Variants in SLCO4A1 observed in about 807,000 individuals in gnomAD.
The protein encoded by SLCO4A1 is solute carrier organic anion transporter family member 4A1, also known as colon organic anion transporter.
In SLCO4A1, 51 loss-of-function variants were observed where a neutral mutation model predicts 64.6. The observed-to-expected ratio is 0.79, with a 90% CI of 0.63 to 1.00. The LOEUF (loss-of-function observed/expected upper bound fraction) is 1.00. Ranked by LOEUF, SLCO4A1 falls within the 50% of genes least tolerant of loss-of-function variation. The pLI is 0.00. For missense variants in SLCO4A1, 919 were observed against 980.5 expected, an observed-to-expected ratio of 0.94 and a Z score of 0.84; for synonymous variants, 471 against 444.9, an observed-to-expected ratio of 1.06 and a Z score of -0.74.
chr20:62,671,794 G>A lies in SLCO4A1; in HGVS notation c.2070G>A (p.Lys690=). The change falls in exon 12 of 12, where the codon AAG becomes AAA. Residue 690 remains lysine (K), a synonymous_variant. Coordinates refer to ENST00000217159, the MANE Select transcript of SLCO4A1 (RefSeq NM_016354.4). ...TTGCCATAGCCTGCTTCTTATACAAGCCCCTGTCGGAGTCTTCAGATGGCC... is the reference window on the plus strand; with the variant it reads ...TTGCCATAGCCTGCTTCTTATACAAACCCCTGTCGGAGTCTTCAGATGGCC... ...LFFAIACFLY[K]PLSESSDGLE... is the part of the protein sequence containing the mutation. 6.2e-7 allele frequency: 1 copy of A among 1,613,610 alleles called. No homozygotes were observed.
In SLCO4A1 at chr20:62,667,805, G is replaced by T; in HGVS notation, c.1533G>T (p.Gln511His). 6.2e-7 allele frequency: 1 copy of T among 1,612,740 alleles called. No individual in the cohort carries two copies. The highest frequency in any genetic ancestry group is 2.2e-5 in the East Asian group (1 of 44,888). The change falls in exon 8 of 12, where the codon CAG becomes CAT. Residue 511 changes from glutamine to histidine, a missense_variant. Physicochemically the swap from Gln to His is conservative, Grantham distance 24. Transcript: ENST00000217159. ...CCTGCAACGCTGCCTGCAGCTGCCAGCCAGAACACTACAGCCCTGTGTGCG... is the reference window on the plus strand; with the variant it reads ...CCTGCAACGCTGCCTGCAGCTGCCATCCAGAACACTACAGCCCTGTGTGCG... ...TAPCNAACSCQPEHYSPVCGS... is the reference protein window; with the variant it reads ...TAPCNAACSCHPEHYSPVCGS...
chr20:62,680,750 T>C (rs1427764190), intron 2 of SLCO4A1, among the ~76,000 whole-genome samples: 1 of 152,202 alleles, frequency 6.6e-6, no homozygotes, highest in East Asian at 1.9e-4. Context: ...TGCTTTCAAA[T>C]GTTGCTGGAT....
At chr20:62,660,971 A>AGGGGCAGAGGAGTG (rs1984677609) in intron 4 of SLCO4A1, 93 bp from the exon 5 acceptor site, 5 of 843,752 alleles carry the variant, frequency 5.9e-6, no homozygotes, top group African/African-American at 1.7e-5. Flanking sequence ...CAGACCGGGG[A>AGGGGCAGAGGAGTG]GGGGCAGAGG....
downstream of SLCO4A1, among the ~76,000 whole-genome samples, chr20:62,686,928 C>T (rs960412756): frequency 7.0e-6 from 1 of 143,330 alleles, no homozygotes; most frequent in Non-Finnish European, 1.5e-5. Context: ...CACCCCCAAA[C>T]AGGAGCAATG....
rs770195967 is a variant in SLCO4A1, at chr20:62,667,874, C to T, written c.1602C>T (p.Cys534=). 6.2e-6 allele frequency: 10 copies of T among 1,613,738 alleles called. No individual in the cohort carries two copies. Among genetic ancestry groups the T allele is most frequent in the Admixed American group, 1.7e-5 (1 of 60,012 alleles). ...LMYFSLCHAG[C]PAATETNVDG... ...ACTTCTCACTGTGCCACGCAGGGTG[C>T]CCTGCAGCCACGGAGACGAATGTGG... Residue 534 remains cysteine (C), a synonymous_variant, in exon 8 of 12, where the codon TGC becomes TGT. Coordinates refer to ENST00000217159, the MANE Select transcript of SLCO4A1 (RefSeq NM_016354.4).
rs901326824 is a variant in SLCO4A1 at position 62,644,788 on chromosome 20, C to G, written c.-97+2235C>G. Among the ~76,000 whole-genome samples the G allele has an allele frequency of 6.6e-6, 1 of 152,262 alleles. No individual in the cohort carries two copies. The highest frequency in any genetic ancestry group is 2.4e-5 in the African/African-American group (1 of 41,478). Reference sequence around the variant, plus strand: ...ATTCCTGGCTTCCTGGACTCGTCCACTGGAACGTGTTGGGTCCTGGTGCTC... The same window carrying G: ...ATTCCTGGCTTCCTGGACTCGTCCAGTGGAACGTGTTGGGTCCTGGTGCTC... On this transcript the variant is annotated intron_variant, in intron 1 of 11. Coordinates refer to ENST00000217159, the MANE Select transcript of SLCO4A1 (RefSeq NM_016354.4). The surrounding 1 kb of genome is among the most constrained non-coding windows in gnomAD (Gnocchi z 5.4).
chr20:62,643,037 T>G, intron 1 of SLCO4A1: 2 of 469,396 alleles, frequency 4.3e-6, no homozygotes, highest in Non-Finnish European at 8.8e-6. Context: ...TGCTGCCGAG[T>G]CAAGGAGGAA....
intron 11 of SLCO4A1, among the ~76,000 whole-genome samples, chr20:62,669,340 C>G (rs1986917523): frequency 6.6e-6 from 1 of 152,232 alleles, no homozygotes; most frequent in Non-Finnish European, 1.5e-5. Flanking sequence ...TGCTCCCTCT[C>G]CCACCTCCTG....
intron 2 of SLCO4A1, among the ~76,000 whole-genome samples, chr20:62,679,152 C>T (rs984879290): frequency 3.9e-5 from 6 of 151,996 alleles, no homozygotes; most frequent in Admixed American, 1.3e-4. Flanking sequence ...TGCAGCAAGC[C>T]GAAATCACAC....
intron 11 of SLCO4A1, among the ~76,000 whole-genome samples, chr20:62,669,363 C>T (rs1042579133): frequency 3.9e-5 from 6 of 152,350 alleles, no homozygotes; most frequent in Middle Eastern, 3.4e-3. Flanking sequence ...ACTGCCCCTC[C>T]ACAGTGTGGT....
At position 62,665,024 on chromosome 20, in the gene SLCO4A1, G is replaced by T. The variant is rs372253488; in HGVS notation, c.1212G>T (p.Thr404=). Reference sequence around the variant, plus strand: ...CCACTCTCATCACCGGCATGTCCACGTTCAGCCCCAAGTTCTTGGAGTCCC... The same window carrying T: ...CCACTCTCATCACCGGCATGTCCACTTTCAGCCCCAAGTTCTTGGAGTCCC... ...TEATLITGMS[T]FSPKFLESQF... The change falls in exon 6 of 12, where the codon ACG becomes ACT. Residue 404 remains threonine (T), a synonymous_variant. Transcript: ENST00000217159. 5.0e-6 allele frequency: 8 copies of T among 1,613,724 alleles called. No homozygotes were observed. The highest frequency in any genetic ancestry group is 6.8e-6 in the Non-Finnish European group (8 of 1,179,912).
In SLCO4A1 at chr20:62,657,181, C is replaced by G. The variant is rs776130447; in HGVS notation, c.727C>G (p.Pro243Ala). The G allele has an allele frequency of 2.6e-6, 4 of 1,553,272 alleles. No individual in the cohort carries two copies. Among genetic ancestry groups the G allele is most frequent in the Non-Finnish European group, 1.7e-6 (2 of 1,148,950 alleles). The change falls in exon 2 of 12, where the codon CCC (proline) becomes GCC (alanine). Residue 243 changes from proline to alanine, a missense_variant. Pro to Ala is a conservative substitution (Grantham distance 27). Transcript: ENST00000217159. ...GQFLHGVGAT[P>A]LYTLGVTYLD... ...GTTCCTGCATGGCGTGGGTGCCACA[C>G]CCCTCTACACGCTGGGCGTCACCTA...
intron 1 of SLCO4A1, among the ~76,000 whole-genome samples, 172 bp downstream of exon 1, chr20:62,642,725 G>A (rs1354843686): frequency 1.3e-5 from 2 of 152,112 alleles, no homozygotes; most frequent in Non-Finnish European, 2.9e-5. Flanking sequence ...CGCGGGGGAG[G>A]GCAGGACCGA....
chr20:62,679,727 C>T (rs551444875), intron 2 of SLCO4A1, among the ~76,000 whole-genome samples: 1 of 152,288 alleles, frequency 6.6e-6, no homozygotes, highest in African/African-American at 2.4e-5. Flanking sequence ...ATCAAAAACA[C>T]TGTTTCTCAT....
chr20:62,667,754 C>G lies in SLCO4A1; in HGVS notation c.1482C>G (p.Pro494=), dbSNP rs371990446. The change falls in exon 8 of 12, where the codon CCC becomes CCG. Residue 494 remains proline, a synonymous_variant. Coordinates refer to ENST00000217159, the MANE Select transcript of SLCO4A1 (RefSeq NM_016354.4). The part of the protein sequence containing the change: ...VTASYGGSLL[P]EGHLNLTAPC... ...TGTCCCCCCTCTGCAGCCTCCTGCCCGAAGGCCACCTGAACCTAACGGCTC... is the reference window on the plus strand; with the variant it reads ...TGTCCCCCCTCTGCAGCCTCCTGCCGGAAGGCCACCTGAACCTAACGGCTC... 1.2e-6 allele frequency: 2 copies of G among 1,607,990 alleles called. No homozygotes were observed. The highest frequency in any genetic ancestry group is 8.5e-7 in the Non-Finnish European group (1 of 1,177,362).
Position 62,656,438 on chromosome 20 carries a change from C to T in SLCO4A1, c.-17C>T. ...TGCGTGGCTGAAGCCTCGAGGTCACCAGGCGGAGGCGCGGAGATGCCCCTG... is the reference window on the plus strand; with the variant it reads ...TGCGTGGCTGAAGCCTCGAGGTCACTAGGCGGAGGCGCGGAGATGCCCCTG... On this transcript the variant is annotated 5_prime_UTR_variant, in exon 2 of 12. Transcript: ENST00000217159. 6.9e-7 allele frequency: 1 copy of T among 1,457,434 alleles called. No homozygotes were observed. The highest frequency in any genetic ancestry group is 9.0e-7 in the Non-Finnish European group (1 of 1,105,054). The allele number at this position is 1,457,434 out of a possible 1,614,324, so 90.3% of individuals were successfully genotyped here.
At chr20:62,668,363 T>G (rs1453564372) in intron 9 of SLCO4A1, 114 bp from the exon 10 acceptor site, 11 of 1,226,994 alleles carry the variant, frequency 9.0e-6, no homozygotes, top group African/African-American at 4.6e-5. Flanking sequence ...GCTTCCCACT[T>G]GGGGGGGGGT....
chr20:62,667,506 C>T (rs1289286694), intron 7 of SLCO4A1: 1 of 536,356 alleles, frequency 1.9e-6, no homozygotes, highest in South Asian at 2.9e-5. Context: ...GTGCATCAGG[C>T]GGACGGTGCT....
At chr20:62,674,279 C>T (rs914327941), downstream of SLCO4A1, among the ~76,000 whole-genome samples, 1 of 152,178 alleles carries the variant, frequency 6.6e-6, no homozygotes, top group Non-Finnish European at 1.5e-5. Flanking sequence ...TGGCACTGAG[C>T]ATCCGTGTGG....
Sources: gnomAD v4.1 joint callset for allele counts (sites outside exome capture counted in the v4.1 genomes callset) on GRCh38, gnomAD v4.1.1 for gene constraint, Gnocchi (gnomAD v3.1) non-coding constraint, MANE v1.5 for transcripts, NCBI Gene and HGNC (gene_info 2026-07-23, HGNC 2026-07-21) for gene names.